Variants in KCNAB1 observed in about 807,000 individuals in gnomAD.
The protein encoded by KCNAB1 is potassium voltage-gated channel subfamily A regulatory beta subunit 1, also known as voltage-gated potassium channel subunit beta-1.
KCNAB1 carries 35 observed loss-of-function variants against 64.6 expected under a neutral mutation model. That is an observed-to-expected ratio of 0.54 (90% CI 0.41 to 0.72). The LOEUF (loss-of-function observed/expected upper bound fraction) is 0.72. Among genes scored for constraint, KCNAB1 ranks in the 30% least tolerant of loss-of-function variants. The pLI, the probability that KCNAB1 is intolerant of heterozygous loss-of-function variation, is 0.00. For missense variants in KCNAB1, 401 were observed against 512.9 expected, an observed-to-expected ratio of 0.78 and a Z score of 2.11; for synonymous variants, 177 against 183.8, an observed-to-expected ratio of 0.96 and a Z score of 0.30.
At chr3:156,348,568 T>A (rs1464599275) in intron 1 of KCNAB1, among the ~76,000 whole-genome samples, 1 of 152,168 alleles carries the variant, frequency 6.6e-6, no homozygotes, top group Non-Finnish European at 1.5e-5. Flanking sequence ...AAACTTGTGT[T>A]CCATTTTAGA....
chr3:156,422,620 G>A (rs1715537332), intron 2 of KCNAB1, among the ~76,000 whole-genome samples: 1 of 152,162 alleles, frequency 6.6e-6, no homozygotes, highest in African/African-American at 2.4e-5. Flanking sequence ...TTGAGATATC[G>A]ATTAGGCCTG....
intron 7 of KCNAB1, among the ~76,000 whole-genome samples, chr3:156,469,683 G>A (rs560656319): frequency 4.9e-4 from 74 of 152,264 alleles, no homozygotes; most frequent in African/African-American, 1.8e-3. Context: ...AAACTTTTGA[G>A]ATGGAAGAAG....
intron 10 of KCNAB1, 140 bp from the exon 11 acceptor site, chr3:156,516,130 G>T (rs768951224): frequency 2.4e-5 from 14 of 576,998 alleles, no homozygotes; most frequent in Non-Finnish European, 4.0e-5. Flanking sequence ...GGAAAAAAAT[G>T]CATGCTGATA....
At chr3:156,284,807 G>C (rs1377914303) in intron 1 of KCNAB1, among the ~76,000 whole-genome samples, 3 of 152,228 alleles carry the variant, frequency 2.0e-5, no homozygotes, top group African/African-American at 7.2e-5. Context: ...GTGAGGCAAT[G>C]CCTCACCCTG....
rs537322840 is a variant in KCNAB1, at chr3:156,414,233, C to T, written c.276-7383C>T. Among the ~76,000 whole-genome samples, 98 of 152,150 alleles carry T rather than the reference C, an allele frequency of 6.4e-4. 5 individuals are homozygous for T. The highest frequency in any genetic ancestry group is 7.4e-5 in the Non-Finnish European group (5 of 68,020). ...CTTTGAAAACTCATCACAGTGAAAA[C>T]TAATTACAGCTCTCATCACAAAGAG... On this transcript the variant is annotated intron_variant, in intron 1 of 13. Coordinates refer to ENST00000490337, the MANE Select transcript of KCNAB1 (RefSeq NM_172160.3).
intron 5 of KCNAB1, 72 bp downstream of exon 5, chr3:156,459,943 A>T (rs1011469340): frequency 9.4e-7 from 1 of 1,069,270 alleles, no homozygotes; most frequent in Non-Finnish European, 1.4e-6. Flanking sequence ...AAATAAAATT[A>T]TATGACACCT....
At chr3:156,404,495 A>C (rs961431219) in intron 1 of KCNAB1, among the ~76,000 whole-genome samples, 1 of 152,208 alleles carries the variant, frequency 6.6e-6, no homozygotes, top group Non-Finnish European at 1.5e-5. Flanking sequence ...ATTAATCCCA[A>C]TAGTTATTAT....
At chr3:156,322,921 G>A (rs1180561147) in intron 1 of KCNAB1, among the ~76,000 whole-genome samples, 1 of 152,152 alleles carries the variant, frequency 6.6e-6, no homozygotes, top group Non-Finnish European at 1.5e-5. Flanking sequence ...TACACTATAG[G>A]AGAAGCTGCT....
At chr3:156,323,996 T>A (rs1354566668) in intron 1 of KCNAB1, among the ~76,000 whole-genome samples, 3 of 152,206 alleles carry the variant, frequency 2.0e-5, no homozygotes, top group Non-Finnish European at 4.4e-5. Flanking sequence ...TACTACTTTT[T>A]AAAACCAAGG....
chr3:156,446,550 C>G (rs1711574630), intron 2 of KCNAB1, among the ~76,000 whole-genome samples: 1 of 152,218 alleles, frequency 6.6e-6, no homozygotes, highest in African/African-American at 2.4e-5. Context: ...CACATGTGCT[C>G]TGTTTACCAA....
chr3:156,142,403 G>A (rs1714758587), intron 1 of KCNAB1, among the ~76,000 whole-genome samples: 1 of 152,140 alleles, frequency 6.6e-6, no homozygotes, highest in Admixed American at 6.5e-5. Context: ...TTAAATCCAT[G>A]ATCAATTTTG....
chr3:156,460,390 G>C (rs965568049), intron 5 of KCNAB1: 1 of 152,560 alleles, frequency 6.6e-6, no homozygotes, highest in African/African-American at 2.4e-5. Context: ...TCAGAACAAT[G>C]CTTCATCTGC....
intron 1 of KCNAB1, among the ~76,000 whole-genome samples, chr3:156,417,537 G>C (rs541992796): frequency 6.6e-6 from 1 of 152,272 alleles, no homozygotes; most frequent in Admixed American, 6.5e-5. Context: ...TTAAAATTGT[G>C]AATAAGGTCT....
chr3:156,469,056 C>A (rs1016243348), intron 7 of KCNAB1, among the ~76,000 whole-genome samples: 1 of 152,102 alleles, frequency 6.6e-6, no homozygotes, highest in Non-Finnish European at 1.5e-5. Context: ...TTGTTCTTTT[C>A]TTTTTAATCT....
intron 1 of KCNAB1, among the ~76,000 whole-genome samples, chr3:156,183,417 C>G (rs1275212267): frequency 6.6e-6 from 1 of 152,200 alleles, no homozygotes; most frequent in African/African-American, 2.4e-5. Context: ...GGGATTGTCA[C>G]ATTCACTGGA....
At chr3:156,364,354 C>CT (rs1221127765) in intron 1 of KCNAB1, among the ~76,000 whole-genome samples, 1 of 152,138 alleles carries the variant, frequency 6.6e-6, no homozygotes, top group African/African-American at 2.4e-5. Flanking sequence ...CTCTTCAGAC[C>CT]TCAGCTAAGC....
intron 1 of KCNAB1, among the ~76,000 whole-genome samples, chr3:156,409,393 C>T (rs1218371947): frequency 6.6e-6 from 1 of 152,152 alleles, no homozygotes; most frequent in Non-Finnish European, 1.5e-5. Context: ...ATTAAAAATG[C>T]CTGAAGTCAA....
intron 1 of KCNAB1, among the ~76,000 whole-genome samples, chr3:156,263,727 C>G (rs1718549652): frequency 6.6e-6 from 1 of 152,036 alleles, no homozygotes; most frequent in African/African-American, 2.4e-5. Flanking sequence ...CATGTCCTCC[C>G]ATATACTTTA....
At chr3:156,531,602 G>A in intron 13 of KCNAB1, 105 bp downstream of exon 13, 1 of 859,068 alleles carries the variant, frequency 1.2e-6, no homozygotes, top group South Asian at 1.3e-5. Flanking sequence ...GGTGGGGCAA[G>A]AGTAGGGGGA....
Sources: allele counts gnomAD v4.1 joint callset (sites outside exome capture counted in the v4.1 genomes callset), GRCh38; gene constraint gnomAD v4.1.1; transcripts MANE v1.5; gene names NCBI Gene and HGNC (gene_info 2026-07-23, HGNC 2026-07-21).